The following CLXN variants were observed in gnomAD, a reference collection of about 807,000 sequenced individuals.
CLXN encodes calaxin.
At chr8:48,732,680 C>T in the CLXN span, among the ~76,000 whole-genome samples, 6 of 152,200 alleles carry the variant, frequency 3.9e-5, no homozygotes, top group South Asian at 6.2e-4. Flanking sequence ...TTCATAGTGT[C>T]ATCATTCACA....
At chr8:48,726,981 C>T in the CLXN span, among the ~76,000 whole-genome samples, 1 of 149,254 alleles carries the variant, frequency 6.7e-6, no homozygotes, top group Non-Finnish European at 1.5e-5. Flanking sequence ...TATCCACCCA[C>T]CTCATCCATC....
the CLXN span, among the ~76,000 whole-genome samples, chr8:48,726,624 T>C: frequency 7.1e-6 from 1 of 140,846 alleles, no homozygotes; most frequent in East Asian, 2.3e-4. Context: ...TACCCATCCA[T>C]CTACCCACCC....
chr8:48,724,508 C>T, the CLXN span: 1 of 367,142 alleles, frequency 2.7e-6, no homozygotes, highest in Non-Finnish European at 4.9e-6. Context: ...TGTGATAAAA[C>T]ATCTGTAGAA....
chr8:48,730,967 T>C, the CLXN span, among the ~76,000 whole-genome samples: 1 of 152,166 alleles, frequency 6.6e-6, no homozygotes, highest in Non-Finnish European at 1.5e-5. Context: ...AAATACTTAA[T>C]AGTTTTGTTA....
the CLXN span, among the ~76,000 whole-genome samples, chr8:48,729,547 AT>A: frequency 6.6e-6 from 1 of 152,218 alleles, no homozygotes; most frequent in African/African-American, 2.4e-5. Context: ...TGCTAGAAAA[AT>A]AAGAGGTTAG....
At chr8:48,717,800 A>G in the CLXN span, among the ~76,000 whole-genome samples, 1 of 152,334 alleles carries the variant, frequency 6.6e-6, no homozygotes, top group Non-Finnish European at 1.5e-5. Context: ...TCAAAGGTAA[A>G]TTGTTATCAA....
At chr8:48,733,689 T>G in the CLXN span, among the ~76,000 whole-genome samples, 1 of 152,122 alleles carries the variant, frequency 6.6e-6, no homozygotes, top group African/African-American at 2.4e-5. Context: ...AATTTTTTAG[T>G]AAACAAAAAA....
chr8:48,721,727 T>C, the CLXN span, among the ~76,000 whole-genome samples: 1 of 152,168 alleles, frequency 6.6e-6, no homozygotes, highest in Admixed American at 6.5e-5. Flanking sequence ...CAAAATGGTG[T>C]TGGGACAATT....
chr8:48,728,280 TTCTC>T, the CLXN span, among the ~76,000 whole-genome samples: 92 of 152,226 alleles, frequency 6.0e-4, no homozygotes, highest in Admixed American at 2.3e-3. Context: ...ATCTCTTTCT[TTCTC>T]TCTCTCTATC....
the CLXN span, among the ~76,000 whole-genome samples, chr8:48,726,870 A>AATCAATCT: frequency 3.1e-3 from 424 of 136,336 alleles, 4 homozygotes; most frequent in Non-Finnish European, 5.1e-3. Context: ...TGCATCTATC[A>AATCAATCT]ATCTATCTAT....
the CLXN span, chr8:48,723,998 A>C: frequency 6.6e-6 from 1 of 152,170 alleles, no homozygotes; most frequent in East Asian, 1.9e-4. Context: ...AACTCAGTAC[A>C]TGTTCTCCCT....
the CLXN span, chr8:48,723,773 C>G: frequency 2.6e-5 from 4 of 152,364 alleles, no homozygotes; most frequent in African/African-American, 9.7e-5. Flanking sequence ...AGGGGGTACA[C>G]AAGGGGAACT....
chr8:48,735,195 G>C, the CLXN span: 3 of 1,610,154 alleles, frequency 1.9e-6, no homozygotes, highest in Non-Finnish European at 2.5e-6. Flanking sequence ...GTCTCTGGGC[G>C]CGCGGCTACC....
chr8:48,725,752 C>A, the CLXN span, among the ~76,000 whole-genome samples: 2 of 151,808 alleles, frequency 1.3e-5, no homozygotes, highest in East Asian at 3.9e-4. Flanking sequence ...TGCGGTGAGC[C>A]GAGATTGTGC....
At chr8:48,711,528 A>G in the CLXN span, 1 of 152,324 alleles carries the variant, frequency 6.6e-6, no homozygotes, top group East Asian at 1.9e-4. Context: ...TATGAAAGGC[A>G]TTACATCCAA....
the CLXN span, chr8:48,729,996 T>G: frequency 2.5e-6 from 2 of 799,618 alleles, no homozygotes; most frequent in African/African-American, 3.5e-5. Context: ...CAGCCTGATT[T>G]GCATTGTAAG....
the CLXN span, among the ~76,000 whole-genome samples, chr8:48,725,990 C>T: frequency 6.7e-6 from 1 of 148,838 alleles, no homozygotes; most frequent in South Asian, 2.2e-4. Flanking sequence ...ACCCACCCAC[C>T]TCACCATCCA....
chr8:48,723,297 T>C, the CLXN span: 1 of 152,176 alleles, frequency 6.6e-6, no homozygotes, highest in Non-Finnish European at 1.5e-5. Context: ...TCAATAAAGA[T>C]AGAAAAGCAT....
the CLXN span, among the ~76,000 whole-genome samples, chr8:48,717,193 A>G: frequency 2.0e-5 from 3 of 152,184 alleles, no homozygotes; most frequent in Admixed American, 6.5e-5. Flanking sequence ...CAAAGGGCCT[A>G]AAATAGGGTC....
Sources: gnomAD v4.1 joint callset for allele counts (sites outside exome capture counted in the v4.1 genomes callset) on GRCh38, gnomAD v4.1.1 for gene constraint, MANE v1.5 for transcripts, NCBI Gene and HGNC (gene_info 2026-07-23, HGNC 2026-07-21) for gene names.